MACROD2: variants seen among roughly 807,000 people sequenced by gnomAD.
MACROD2 encodes the protein mono-ADP ribosylhydrolase 2.
A neutral mutation model predicts 70.4 loss-of-function variants in MACROD2; 36 were observed. The observed-to-expected ratio is 0.51, with a 90% CI of 0.39 to 0.68. MACROD2 has a LOEUF of 0.68. Among genes scored for constraint, MACROD2 ranks in the 30% least tolerant of loss-of-function variants. MACROD2 has a pLI of 0.00. For missense variants in MACROD2, 496 were observed against 538.4 expected, an observed-to-expected ratio of 0.92 and a Z score of 0.78; for synonymous variants, 172 against 178.8, an observed-to-expected ratio of 0.96 and a Z score of 0.30.
At chr20:15,246,816 A>G (rs1458828914) in intron 6 of MACROD2, among the ~76,000 whole-genome samples, 2 of 152,236 alleles carry the variant, frequency 1.3e-5, no homozygotes, top group African/African-American at 4.8e-5. Flanking sequence ...TAAAGTGGAA[A>G]CAATCCAAAT....
In MACROD2 at chr20:15,379,830, G is replaced by A. The variant is rs377346049; in HGVS notation, c.541-51575G>A. 2.0e-5 allele frequency among the ~76,000 whole-genome samples: 3 copies of A among 152,084 alleles called. No individual in the cohort carries two copies. In the East Asian group the frequency reaches 5.8e-4, roughly 29 times the overall value. On this transcript the variant is annotated intron_variant, in intron 6 of 17. Transcript: ENST00000684519. ...TATTTAAGAATGTACATTAGATTATGTCACTCCCATGCTTTAAACACTCCA... is the reference window on the plus strand; with the variant it reads ...TATTTAAGAATGTACATTAGATTATATCACTCCCATGCTTTAAACACTCCA...
At chr20:14,523,999 A>G (rs2085200029) in intron 4 of MACROD2, among the ~76,000 whole-genome samples, 2 of 152,232 alleles carry the variant, frequency 1.3e-5, no homozygotes, top group South Asian at 2.1e-4. Context: ...TCTAGATAAA[A>G]CACACATAAA....
chr20:14,897,464 A>G (rs974173539), intron 5 of MACROD2, among the ~76,000 whole-genome samples: 4 of 152,214 alleles, frequency 2.6e-5, no homozygotes, highest in Non-Finnish European at 4.4e-5. Flanking sequence ...AATGATGCCC[A>G]AATAAAATTT....
intron 15 of MACROD2, among the ~76,000 whole-genome samples, chr20:15,992,795 A>G (rs923951800): frequency 4.6e-5 from 7 of 152,194 alleles, no homozygotes; most frequent in Admixed American, 3.3e-4. Flanking sequence ...TGGTTTATCA[A>G]AATAATTTGC....
intron 5 of MACROD2, among the ~76,000 whole-genome samples, chr20:14,770,861 A>G (rs2072156045): frequency 6.6e-6 from 1 of 152,142 alleles, no homozygotes; most frequent in Non-Finnish European, 1.5e-5. Flanking sequence ...CTCCAGTGCC[A>G]TACAAATATG....
chr20:14,093,420 C>T (rs2054179233), intron 3 of MACROD2, among the ~76,000 whole-genome samples: 1 of 152,006 alleles, frequency 6.6e-6, no homozygotes, highest in Non-Finnish European at 1.5e-5. Flanking sequence ...TAAAGTACAA[C>T]TGTCTGTACA....
At chr20:15,128,962 C>T (rs1322114) in intron 5 of MACROD2, among the ~76,000 whole-genome samples, 115,504 of 151,828 alleles carry the variant, frequency 0.76, 44,286 homozygotes, top group East Asian at 0.98. Context: ...TTAATGCTTC[C>T]TTCTTGTTTG....
intron 6 of MACROD2, among the ~76,000 whole-genome samples, chr20:15,355,106 T>C (rs1488282386): frequency 6.6e-6 from 1 of 152,224 alleles, no homozygotes; most frequent in Non-Finnish European, 1.5e-5. Context: ...ACTGGAGTAC[T>C]ATAATACAAT....
At chr20:15,061,368 A>G (rs946397387) in intron 5 of MACROD2, among the ~76,000 whole-genome samples, 3 of 152,316 alleles carry the variant, frequency 2.0e-5, no homozygotes, top group Non-Finnish European at 4.4e-5. Context: ...GCATCACTCA[A>G]TAACAATAAG....
At chr20:15,088,812 C>T (rs2075772554) in intron 5 of MACROD2, among the ~76,000 whole-genome samples, 1 of 151,766 alleles carries the variant, frequency 6.6e-6, no homozygotes. Context: ...CTGGAAGGGC[C>T]ATGCCAAATT....
At chr20:14,068,627 T>C (rs186173297) in intron 2 of MACROD2, among the ~76,000 whole-genome samples, 1 of 151,994 alleles carries the variant, frequency 6.6e-6, no homozygotes, top group Non-Finnish European at 1.5e-5. Flanking sequence ...TAGTTAGGAG[T>C]ACCAGAGGGC....
chr20:14,418,848 C>T (rs2225681), intron 3 of MACROD2, among the ~76,000 whole-genome samples: 15 of 152,086 alleles, frequency 9.9e-5, no homozygotes, highest in Non-Finnish European at 1.8e-4. Context: ...CATTTTGATT[C>T]CATTATTTAT....
intron 8 of MACROD2, among the ~76,000 whole-genome samples, chr20:15,672,457 T>C (rs1374519201): frequency 6.6e-6 from 1 of 151,996 alleles, no homozygotes; most frequent in Non-Finnish European, 1.5e-5. Flanking sequence ...CATCTGTTGT[T>C]TGTTTTTGTC....
chr20:15,064,948 A>G (rs2075562082), intron 5 of MACROD2, among the ~76,000 whole-genome samples: 1 of 152,228 alleles, frequency 6.6e-6, no homozygotes, highest in Admixed American at 6.5e-5. Flanking sequence ...ATCCTGTTCC[A>G]TATCACATAA....
intron 3 of MACROD2, among the ~76,000 whole-genome samples, chr20:14,349,437 T>C (rs1236708739): frequency 1.3e-5 from 2 of 150,628 alleles, no homozygotes; most frequent in African/African-American, 4.9e-5. Flanking sequence ...AAAATGGCTA[T>C]AGTCACCCTG....
At chr20:15,508,277 C>T (rs748713932) in intron 8 of MACROD2, among the ~76,000 whole-genome samples, 2 of 150,516 alleles carry the variant, frequency 1.3e-5, no homozygotes, top group South Asian at 4.2e-4. Context: ...GCAGAGAGAA[C>T]CTAGAAAAAT....
chr20:15,362,846 AG>A (rs1394501157), intron 6 of MACROD2, among the ~76,000 whole-genome samples: 1 of 152,028 alleles, frequency 6.6e-6, no homozygotes, highest in Non-Finnish European at 1.5e-5. Context: ...TTGAATATAT[AG>A]GAAAAAAATT....
intron 13 of MACROD2, among the ~76,000 whole-genome samples, chr20:15,985,371 C>T (rs898672974): frequency 1.3e-5 from 2 of 152,072 alleles, no homozygotes; most frequent in African/African-American, 4.8e-5. Flanking sequence ...CAAGTCAAAA[C>T]CAAAACCAAA....
intron 9 of MACROD2, among the ~76,000 whole-genome samples, chr20:15,871,037 G>A (rs1368279845): frequency 2.0e-5 from 3 of 151,738 alleles, no homozygotes; most frequent in African/African-American, 7.3e-5. Flanking sequence ...TTGGCCAGGC[G>A]TGGTGATAGG....
Sources: allele counts gnomAD v4.1 joint callset (sites outside exome capture counted in the v4.1 genomes callset), GRCh38; gene constraint gnomAD v4.1.1; transcripts MANE v1.5; gene names NCBI Gene and HGNC (gene_info 2026-07-23, HGNC 2026-07-21).